Variants in NR3C2 observed in about 807,000 individuals in gnomAD.
The protein encoded by NR3C2 is nuclear receptor subfamily 3 group C member 2.
Under a neutral mutation model 86.4 loss-of-function variants are expected in NR3C2, and 15 were observed. That is an observed-to-expected ratio of 0.17 (90% confidence interval 0.12 to 0.27). NR3C2 has a LOEUF of 0.27. NR3C2 is among the 10% of genes least tolerant of loss of function. The pLI is 1.00. For synonymous variants in NR3C2, 458 were observed against 450.5 expected, an observed-to-expected ratio of 1.02 and a Z score of -0.21; for missense variants, 960 against 1,195.6, an observed-to-expected ratio of 0.80 and a Z score of 2.91.
intron 2 of NR3C2, among the ~76,000 whole-genome samples, chr4:148,278,136 C>G (rs1741051212): frequency 6.6e-6 from 1 of 152,006 alleles, no homozygotes; most frequent in Non-Finnish European, 1.5e-5. Flanking sequence ...GGTTCTCGCT[C>G]TGTTACCCAG....
intron 4 of NR3C2, among the ~76,000 whole-genome samples, chr4:148,177,817 T>A (rs1735445868): frequency 6.6e-6 from 1 of 152,178 alleles, no homozygotes; most frequent in Non-Finnish European, 1.5e-5. Flanking sequence ...ATCTCATCCC[T>A]CACCCCAGAA....
intron 3 of NR3C2, among the ~76,000 whole-genome samples, chr4:148,197,168 G>A (rs1736479971): frequency 6.6e-6 from 1 of 152,186 alleles, no homozygotes; most frequent in African/African-American, 2.4e-5. Context: ...ATAATTTACT[G>A]TTGGTCTAAT....
At position 148,387,326 on chromosome 4, in the gene NR3C2, C is replaced by T. The variant is rs573971510; in HGVS notation, c.1757+47778G>A. On this transcript the variant is annotated intron_variant, in intron 2 of 8. Coordinates refer to ENST00000358102, the MANE Select transcript of NR3C2 (RefSeq NM_000901.5). Reference sequence around the variant, plus strand: ...GGCTGAACAGAAAGTCAGAAAGAACCTCAGATCCAACGACATTACAAAGCT... The same window carrying T: ...GGCTGAACAGAAAGTCAGAAAGAACTTCAGATCCAACGACATTACAAAGCT... Among the ~76,000 whole-genome samples, 4 of 152,284 alleles carry T rather than the reference C, an allele frequency of 2.6e-5. No individual in the cohort carries two copies. In the East Asian group the frequency reaches 7.7e-4, roughly 29 times the overall value.
At position 148,327,202 on chromosome 4, in the gene NR3C2, C is replaced by T. The variant is rs181145597; in HGVS notation, c.1758-67085G>A. ...TATAAATAAAAATATCTTATTTCCT[C>T]AATTCTAAGTCATGATTAGTGGTAC... On this transcript the variant is annotated intron_variant, in intron 2 of 8. Transcript: ENST00000358102. Among the ~76,000 whole-genome samples, 662 of 152,192 alleles carry T rather than the reference C, an allele frequency of 4.3e-3. 3 individuals carry two copies. The highest frequency in any genetic ancestry group is 6.8e-3 in the Non-Finnish European group (463 of 68,010).
intron 3 of NR3C2, among the ~76,000 whole-genome samples, chr4:148,251,098 C>T (rs1739554583): frequency 6.6e-6 from 1 of 152,058 alleles, no homozygotes; most frequent in South Asian, 2.1e-4. Flanking sequence ...TGCAAGCATG[C>T]ACCACCACGC....
At chr4:148,335,323 T>C (rs937565236) in intron 2 of NR3C2, among the ~76,000 whole-genome samples, 1 of 152,240 alleles carries the variant, frequency 6.6e-6, no homozygotes, top group African/African-American at 2.4e-5. Flanking sequence ...CTATGAGACA[T>C]GTAAACTTAC....
intron 2 of NR3C2, among the ~76,000 whole-genome samples, chr4:148,270,193 C>A (rs1740609528): frequency 6.6e-6 from 1 of 151,752 alleles, no homozygotes; most frequent in South Asian, 2.1e-4. Flanking sequence ...ATTAACAAAT[C>A]AAAGCTTCAA....
At position 148,242,093 on chromosome 4, in the gene NR3C2, G is replaced by T. The variant is rs547238371; in HGVS notation, c.1897+17885C>A. Among the ~76,000 whole-genome samples the T allele has an allele frequency of 1.2e-4, 19 of 152,234 alleles. No homozygotes were observed. The East Asian group carries it at 3.1e-3, about 25-fold the overall frequency. On this transcript the variant is annotated intron_variant, in intron 3 of 8. Coordinates refer to ENST00000358102, the MANE Select transcript of NR3C2 (RefSeq NM_000901.5). Reference sequence around the variant, plus strand: ...TAATAGGTACAGATTTTCAGTTTTTGCAAGATGAAAAAAGTTCTGGAGATG... The same window carrying T: ...TAATAGGTACAGATTTTCAGTTTTTTCAAGATGAAAAAAGTTCTGGAGATG...
chr4:148,314,528 A>T (rs1296055098), intron 2 of NR3C2, among the ~76,000 whole-genome samples: 1 of 152,176 alleles, frequency 6.6e-6, no homozygotes, highest in African/African-American at 2.4e-5. Flanking sequence ...CAGTAATGAA[A>T]ATTGAGTAAG....
chr4:148,195,979 AT>A (rs1736423395), intron 3 of NR3C2, among the ~76,000 whole-genome samples: 1 of 152,176 alleles, frequency 6.6e-6, no homozygotes, highest in African/African-American at 2.4e-5. Context: ...TATGATTTAC[AT>A]TTCACAGCAT....
intron 2 of NR3C2, among the ~76,000 whole-genome samples, chr4:148,354,390 C>T (rs549929562): frequency 1.8e-4 from 27 of 152,148 alleles, no homozygotes; most frequent in African/African-American, 5.5e-4. Context: ...GTTTTGGAGG[C>T]GTCAACAGTT....
At chr4:148,209,771 C>A (rs10008249) in intron 3 of NR3C2, among the ~76,000 whole-genome samples, 2 of 152,166 alleles carry the variant, frequency 1.3e-5, no homozygotes, top group Non-Finnish European at 2.9e-5. Flanking sequence ...TACTTGCCTG[C>A]GCCTTCCTCT....
chr4:148,301,980 A>G (rs543157807), intron 2 of NR3C2, among the ~76,000 whole-genome samples: 2 of 152,378 alleles, frequency 1.3e-5, no homozygotes, highest in Non-Finnish European at 2.9e-5. Context: ...AGTATATGCT[A>G]TCAATCACAA....
chr4:148,433,768 A>C (rs993471423), intron 2 of NR3C2, among the ~76,000 whole-genome samples: 1 of 152,180 alleles, frequency 6.6e-6, no homozygotes, highest in African/African-American at 2.4e-5. Flanking sequence ...CACATGAAAA[A>C]AGTCCTTCTC....
intron 3 of NR3C2, among the ~76,000 whole-genome samples, chr4:148,215,505 T>C (rs1253665394): frequency 6.6e-6 from 1 of 152,142 alleles, no homozygotes; most frequent in Non-Finnish European, 1.5e-5. Context: ...GTGGAGGTAA[T>C]TCATTAAACT....
chr4:148,319,610 T>G (rs1268046195), intron 2 of NR3C2, among the ~76,000 whole-genome samples: 1 of 149,768 alleles, frequency 6.7e-6, no homozygotes, highest in Non-Finnish European at 1.5e-5. Flanking sequence ...GTAAGTTGGA[T>G]TCCTAGGTAT....
intron 3 of NR3C2, among the ~76,000 whole-genome samples, chr4:148,224,807 A>G (rs909577199): frequency 6.6e-6 from 1 of 152,212 alleles, no homozygotes; most frequent in Non-Finnish European, 1.5e-5. Context: ...TAAGGAGTAG[A>G]AGAAACATTA....
chr4:148,316,218 TACAC>T (rs1378777635), intron 2 of NR3C2, among the ~76,000 whole-genome samples: 1 of 151,942 alleles, frequency 6.6e-6, no homozygotes, highest in Non-Finnish European at 1.5e-5. Context: ...TACACACACA[TACAC>T]ACACAGGATT....
chr4:148,379,811 T>C (rs1363657214), intron 2 of NR3C2, among the ~76,000 whole-genome samples: 1 of 151,970 alleles, frequency 6.6e-6, no homozygotes, highest in Non-Finnish European at 1.5e-5. Context: ...AAACCTGGCC[T>C]CTGATCTTGT....
Sources: gnomAD v4.1 joint callset for allele counts (sites outside exome capture counted in the v4.1 genomes callset) on GRCh38, gnomAD v4.1.1 for gene constraint, MANE v1.5 for transcripts, NCBI Gene and HGNC (gene_info 2026-07-23, HGNC 2026-07-21) for gene names.